The following TDP1 variants were observed in gnomAD, a reference collection of about 807,000 sequenced individuals.
TDP1 encodes tyr-DNA phosphodiesterase 1.
Under a neutral mutation model 81.5 loss-of-function variants are expected in TDP1, and 64 were observed. That is an observed-to-expected ratio of 0.79 (90% CI 0.64 to 0.97). The LOEUF is 0.97. Among genes scored for constraint, TDP1 ranks in the 50% least tolerant of loss-of-function variants. TDP1 has a pLI of 0.00. For synonymous variants in TDP1, 256 were observed against 264.3 expected (o/e 0.97, Z 0.30); for missense variants, 723 against 743.8 (o/e 0.97, Z 0.33).
At chr14:90,019,107 A>G (rs995688632) in intron 14 of TDP1, 1 of 982,302 alleles carries the variant, frequency 1.0e-6, no homozygotes, top group Non-Finnish European at 1.2e-6. Flanking sequence ...GGGTGAAACT[A>G]TCCCAAATTA....
intron 15 of TDP1, among the ~76,000 whole-genome samples, chr14:90,025,399 G>GT (rs1484047029): frequency 6.6e-6 from 1 of 151,952 alleles, no homozygotes; most frequent in East Asian, 1.9e-4. Flanking sequence ...TTTTTTTCTT[G>GT]TTTTTTTAAG....
At chr14:89,991,834 C>A in intron 12 of TDP1, 83 bp from the exon 13 acceptor site, 2 of 1,364,940 alleles carry the variant, frequency 1.5e-6, no homozygotes, top group South Asian at 1.3e-5. Flanking sequence ...TACCTTCTTG[C>A]TGTTTATTGT....
At chr14:89,967,573 C>T in intron 5 of TDP1, 151 bp downstream of exon 5, 1 of 739,428 alleles carries the variant, frequency 1.4e-6, no homozygotes, top group Non-Finnish European at 2.5e-6. Flanking sequence ...ATCCGGAAAA[C>T]AGCATTCTTT....
chr14:90,016,219 T>C (rs1228221574), intron 14 of TDP1, among the ~76,000 whole-genome samples: 1 of 152,004 alleles, frequency 6.6e-6, no homozygotes, highest in African/African-American at 2.4e-5. Context: ...TAATTTTGTA[T>C]TTTTAGTGGA....
At position 90,043,408 on chromosome 14, in the gene TDP1, A is replaced by C. The variant is rs1888553354; in HGVS notation, c.*265A>C. The C allele has an allele frequency of 1.8e-6, 1 of 546,246 alleles. No individual in the cohort carries two copies. The highest frequency in any genetic ancestry group is 1.9e-5 in the African/African-American group (1 of 52,756). The allele number at this position is 546,246 out of a possible 1,614,324, so 33.8% of individuals were successfully genotyped here. ...CTATGTTAAAAATACGTACTGCTTGAGTATCCCCTGTCTGAAATGCTTGGG... is the reference window on the plus strand; with the variant it reads ...CTATGTTAAAAATACGTACTGCTTGCGTATCCCCTGTCTGAAATGCTTGGG... On this transcript the variant is annotated 3_prime_UTR_variant, in exon 17 of 17. Coordinates refer to ENST00000335725, the MANE Select transcript of TDP1 (RefSeq NM_018319.4).
intron 15 of TDP1, among the ~76,000 whole-genome samples, chr14:90,030,911 A>G (rs186938512): frequency 2.6e-5 from 4 of 151,690 alleles, no homozygotes; most frequent in Non-Finnish European, 5.9e-5. Context: ...GATTACAGGC[A>G]CACACCACCA....
At chr14:89,983,202 G>C in intron 8 of TDP1, 1 of 454,214 alleles carries the variant, frequency 2.2e-6, no homozygotes, top group Non-Finnish European at 4.4e-6. Context: ...GGTCCTCCAC[G>C]TCTGTCCAGC....
chr14:90,022,148 T>C (rs1280585284), intron 15 of TDP1, among the ~76,000 whole-genome samples: 6 of 152,194 alleles, frequency 3.9e-5, no homozygotes, highest in African/African-American at 1.4e-4. Context: ...CTGATACACC[T>C]AAGCAATGAG....
At chr14:89,990,547 CTTT>C (rs34248681) in intron 12 of TDP1, among the ~76,000 whole-genome samples, 3,698 of 102,280 alleles carry the variant, frequency 0.036, 188 homozygotes, top group African/African-American at 0.14. Flanking sequence ...TGTATTAGCC[CTTT>C]TTTTTTTTTT....
Position 89,988,949 on chromosome 14 carries a change from G to T in TDP1, c.1176G>T (p.Trp392Cys). 2 of 1,614,176 alleles carry T rather than the reference G, an allele frequency of 1.2e-6. No homozygotes were observed. Among genetic ancestry groups the T allele is most frequent in the Non-Finnish European group, 1.7e-6 (2 of 1,180,030 alleles). The change falls in exon 11 of 17, where the codon TGG becomes TGT. Residue 392 changes from tryptophan to cysteine, a missense_variant. Transcript: ENST00000335725. ...HASSMPNAES[W>C]PVVGQFSSVG... ...CATCCATGCCTAACGCAGAGTCCTGGCCTGTCGTAGGTCAGTTTTCAAGCG... is the reference window on the plus strand; with the variant it reads ...CATCCATGCCTAACGCAGAGTCCTGTCCTGTCGTAGGTCAGTTTTCAAGCG...
chr14:89,991,441 A>T, intron 12 of TDP1: 1 of 480,312 alleles, frequency 2.1e-6, no homozygotes, highest in Non-Finnish European at 2.7e-6. Context: ...CTCGTCCTCA[A>T]TGAGGTAATT....
rs905729422 is a variant in TDP1, at chr14:90,044,316, G to A, written c.*1173G>A. ...AGGAAGCTAAGGCCTAGAAGGTTAA[G>A]GATGTCCCCAGGGTCACACAGTGAG... On this transcript the variant is annotated 3_prime_UTR_variant, in exon 17 of 17. Transcript: ENST00000335725. 1 of 152,242 alleles carries A rather than the reference G, an allele frequency of 6.6e-6. No individual in the cohort carries two copies. Among genetic ancestry groups the A allele is most frequent in the Non-Finnish European group, 1.5e-5 (1 of 68,054 alleles). 9.4% of individuals were successfully genotyped at this position (152,242 alleles called of 1,614,324 possible).
intron 6 of TDP1, among the ~76,000 whole-genome samples, chr14:89,972,501 G>C (rs1194568386): frequency 6.6e-6 from 1 of 151,748 alleles, no homozygotes; most frequent in Non-Finnish European, 1.5e-5. Flanking sequence ...TTATTGCCCA[G>C]TTTCTTTATA....
chr14:89,975,798 G>A lies in TDP1; in HGVS notation c.774G>A (p.Ala258=), dbSNP rs139270583. 1,171 of 1,613,126 alleles carry A rather than the reference G, an allele frequency of 7.3e-4. 1 individual carries two copies. The highest frequency in any genetic ancestry group is 9.3e-4 in the Non-Finnish European group (1,094 of 1,179,198). The change falls in exon 7 of 17, where the codon GCG becomes GCA. Residue 258 remains alanine (A), a synonymous_variant. Coordinates refer to ENST00000335725, the MANE Select transcript of TDP1 (RefSeq NM_018319.4). ...CATCCTAGGCAAAGTTGGATATTGC[G>A]TTTGGAACACACCACACGTAAGCAC... is the stretch of plus-strand genomic sequence containing the variant. ...ISLCQAKLDI[A]FGTHHTKMML...
chr14:90,042,477 CT>C (rs1016600395), intron 16 of TDP1, among the ~76,000 whole-genome samples: 140 of 152,310 alleles, frequency 9.2e-4, no homozygotes, highest in African/African-American at 3.3e-3. Context: ...GGATTTGCCC[CT>C]GTGTCTCTGC....
chr14:89,984,323 A>G, intron 8 of TDP1, 193 bp from the exon 9 acceptor site: 1 of 985,400 alleles, frequency 1.0e-6, no homozygotes, highest in Non-Finnish European at 1.2e-6. Context: ...CAAGACATTC[A>G]GGAATAATTC....
At chr14:90,015,155 A>ATG (rs1885165301) in intron 14 of TDP1, among the ~76,000 whole-genome samples, 2 of 152,120 alleles carry the variant, frequency 1.3e-5, no homozygotes, top group South Asian at 4.1e-4. Context: ...AAGCCCAGGG[A>ATG]GGAGAGGAGT....
chr14:90,010,100 A>G (rs1356567056), intron 14 of TDP1, among the ~76,000 whole-genome samples: 1 of 152,244 alleles, frequency 6.6e-6, no homozygotes, highest in East Asian at 1.9e-4. Context: ...ATGCACTTGC[A>G]AGAAAAGATT....
intron 10 of TDP1, 24 bp downstream of exon 10, chr14:89,985,234 A>G (rs1397727513): frequency 7.0e-7 from 1 of 1,429,980 alleles, no homozygotes; most frequent in Non-Finnish European, 9.7e-7. Context: ...TACTATTTTA[A>G]CATTTTTAAA....
Sources: gnomAD v4.1 joint callset for allele counts (sites outside exome capture counted in the v4.1 genomes callset) on GRCh38, gnomAD v4.1.1 for gene constraint, MANE v1.5 for transcripts, NCBI Gene and HGNC (gene_info 2026-07-23, HGNC 2026-07-21) for gene names.